The following KCNMA1 variants were observed in gnomAD, a reference collection of about 807,000 sequenced individuals.
The protein encoded by KCNMA1 is potassium calcium-activated channel subfamily M alpha 1.
KCNMA1 carries 29 observed loss-of-function variants against 140.0 expected under a neutral mutation model. That is an observed-to-expected ratio of 0.21 (90% CI 0.15 to 0.28). KCNMA1 has a LOEUF of 0.28. KCNMA1 is among the 10% of genes least tolerant of loss of function. KCNMA1 has a pLI of 1.00. For synonymous variants in KCNMA1, 612 were observed against 611.9 expected (o/e 1.00, Z 0.00); for missense variants, 880 against 1,602.2 (o/e 0.55, Z 7.70).
intron 5 of KCNMA1, among the ~76,000 whole-genome samples, chr10:77,127,332 A>C (rs1041062969): frequency 1.3e-5 from 2 of 152,120 alleles, no homozygotes; most frequent in African/African-American, 4.8e-5. Flanking sequence ...GTTTGAAAGC[A>C]ACAGAGCCAA....
At chr10:76,984,976 G>C (rs182623038) in intron 19 of KCNMA1, among the ~76,000 whole-genome samples, 18 of 152,280 alleles carry the variant, frequency 1.2e-4, no homozygotes, top group Admixed American at 9.2e-4. Flanking sequence ...CCAGGTAGAG[G>C]GTTTATTTCT....
intron 22 of KCNMA1, among the ~76,000 whole-genome samples, chr10:76,945,660 G>C (rs1435601520): frequency 6.6e-6 from 1 of 152,078 alleles, no homozygotes; most frequent in Non-Finnish European, 1.5e-5. Flanking sequence ...ATATACTTTT[G>C]GACATGCACA....
chr10:77,001,579 G>A lies in KCNMA1; in HGVS notation c.2094C>T (p.Pro698=), dbSNP rs1319858363. 4 of 1,549,796 alleles carry A rather than the reference G, an allele frequency of 2.6e-6. No homozygotes were observed. The highest frequency in any genetic ancestry group is 3.5e-6 in the Non-Finnish European group (4 of 1,145,198). The stretch of plus-strand genomic sequence containing the variant: ...TCATTCTCTTGTAGATGGACATCTT[G>A]GCTATAACCGTGTGGTTGGATGGGA... ...KRIKKCGCKR[P]KMSIYKRMRR... The change falls in exon 19 of 28, where the codon CCC becomes CCT. Residue 698 remains proline, a splice_region_variant and synonymous_variant. Transcript: ENST00000286628.
intron 2 of KCNMA1, among the ~76,000 whole-genome samples, chr10:77,358,091 G>T (rs1458276750): frequency 2.0e-5 from 3 of 152,174 alleles, no homozygotes; most frequent in Non-Finnish European, 2.9e-5. Context: ...AAGTGGAACA[G>T]CTCCTTCAAG....
chr10:77,620,358 AGACGCTCTGCT>A (rs2091003621), intron 1 of KCNMA1, among the ~76,000 whole-genome samples: 1 of 152,296 alleles, frequency 6.6e-6, no homozygotes, highest in African/African-American at 2.4e-5. Context: ...TGCAGGTGCA[AGACGCTCTGCT>A]GACAAATACC....
At chr10:77,535,706 A>G (rs775029574) in intron 1 of KCNMA1, among the ~76,000 whole-genome samples, 2 of 152,258 alleles carry the variant, frequency 1.3e-5, no homozygotes, top group African/African-American at 2.4e-5. Context: ...AATGTTATTC[A>G]GCCATACAAA....
chr10:77,255,942 AC>A, intron 2 of KCNMA1, among the ~76,000 whole-genome samples: 1 of 151,752 alleles, frequency 6.6e-6, no homozygotes, highest in South Asian at 2.1e-4. Context: ...TCTGTCCCTA[AC>A]ACCTGATGCA....
At chr10:77,149,195 T>C (rs551565348) in intron 5 of KCNMA1, among the ~76,000 whole-genome samples, 1 of 152,362 alleles carries the variant, frequency 6.6e-6, no homozygotes, top group South Asian at 2.1e-4. Context: ...GCTTTTGACA[T>C]GCAAGGACTT....
At chr10:77,109,858 T>G (rs1406881627) in intron 8 of KCNMA1, among the ~76,000 whole-genome samples, 2 of 152,180 alleles carry the variant, frequency 1.3e-5, no homozygotes, top group Non-Finnish European at 2.9e-5. Flanking sequence ...GCATACCAGA[T>G]GCTGAGTTAC....
chr10:77,505,223 GA>G (rs2154546306), intron 1 of KCNMA1, among the ~76,000 whole-genome samples: 1 of 152,312 alleles, frequency 6.6e-6, no homozygotes, highest in Admixed American at 6.5e-5. Context: ...TCACCAGCAG[GA>G]ACCAGTCCAA....
intron 5 of KCNMA1, among the ~76,000 whole-genome samples, chr10:77,135,729 C>A (rs1289608028): frequency 6.6e-6 from 1 of 152,096 alleles, no homozygotes; most frequent in African/African-American, 2.4e-5. Context: ...GTTAAATAAG[C>A]CATGCACAGA....
intron 2 of KCNMA1, among the ~76,000 whole-genome samples, chr10:77,354,953 A>G (rs1435860041): frequency 6.6e-6 from 1 of 152,196 alleles, no homozygotes; most frequent in Admixed American, 6.5e-5. Flanking sequence ...AGCATTTGAT[A>G]TGGTTTGGCT....
At chr10:77,472,626 A>G (rs1401822479) in intron 1 of KCNMA1, among the ~76,000 whole-genome samples, 1 of 152,254 alleles carries the variant, frequency 6.6e-6, no homozygotes, top group African/African-American at 2.4e-5. Context: ...CTACCATGAT[A>G]GCTCCTATAA....
intron 14 of KCNMA1, among the ~76,000 whole-genome samples, chr10:77,042,747 G>A (rs187713634): frequency 1.3e-5 from 2 of 152,178 alleles, no homozygotes; most frequent in East Asian, 1.9e-4. Flanking sequence ...AAATTTTATT[G>A]TAGGTGAATC....
chr10:77,007,887 C>G (rs984404578), intron 18 of KCNMA1, among the ~76,000 whole-genome samples: 3 of 151,856 alleles, frequency 2.0e-5, no homozygotes, highest in African/African-American at 4.8e-5. Flanking sequence ...GAGAAACACA[C>G]TGTTGTCAAG....
intron 5 of KCNMA1, among the ~76,000 whole-genome samples, chr10:77,169,800 T>C (rs117585432): frequency 6.6e-6 from 1 of 152,326 alleles, no homozygotes; most frequent in Non-Finnish European, 1.5e-5. Flanking sequence ...AATTCCTACC[T>C]GGCCTTAAAG....
In KCNMA1 at chr10:76,886,237, C is replaced by G; in HGVS notation, c.*1029G>C. 1.0e-6 allele frequency: 1 copy of G among 983,988 alleles called. No homozygotes were observed. The highest frequency in any genetic ancestry group is 1.2e-6 in the Non-Finnish European group (1 of 828,676). 61.0% of individuals were successfully genotyped at this position (983,988 alleles called of 1,614,324 possible). A position where few individuals can be genotyped will look rare whatever the true frequency, so the allele number is the denominator to read the frequency against. ...ACCTGGCATTGGGGCCCTAACTAAT[C>G]AAACAAAGGGGAGTAAAAAGATCCC... On this transcript the variant is annotated 3_prime_UTR_variant, in exon 28 of 28. Coordinates refer to ENST00000286628, the MANE Select transcript of KCNMA1 (RefSeq NM_001161352.2).
Position 77,183,516 on chromosome 10 carries a change from T to C in KCNMA1, c.713A>G (p.Asp238Gly). 6.2e-7 allele frequency: 1 copy of C among 1,612,484 alleles called. No homozygotes were observed. Among genetic ancestry groups the C allele is most frequent in the Non-Finnish European group, 8.5e-7 (1 of 1,178,758 alleles). Residue 238 changes from aspartate to glycine, a missense_variant, in exon 5 of 28, where the codon GAT becomes GGT. Physicochemically the swap from Asp to Gly is moderately conservative, Grantham distance 94. Transcript: ENST00000286628. ...CACTTCCAGCCAGAACCACAATTTA[T>C]CGTTGGCTGCAATAAACTGGGGGAA... ...YFGLRFIAAN[D>G]KLWFWLEVNS...
intron 16 of KCNMA1, chr10:77,021,040 A>G (rs1204616585): frequency 2.6e-5 from 4 of 152,154 alleles, no homozygotes; most frequent in African/African-American, 9.7e-5. Context: ...TCCAAAGTGT[A>G]TTTCATTTTC....
Sources: allele counts gnomAD v4.1 joint callset (sites outside exome capture counted in the v4.1 genomes callset), GRCh38; gene constraint gnomAD v4.1.1; transcripts MANE v1.5; gene names NCBI Gene and HGNC (gene_info 2026-07-23, HGNC 2026-07-21).